The following AGBL4 variants were observed in gnomAD, a reference collection of about 807,000 sequenced individuals.
AGBL4 encodes cytosolic carboxypeptidase 6.
In AGBL4, 58 loss-of-function variants were observed where a neutral mutation model predicts 66.4. The ratio of observed to expected loss-of-function variants is 0.87; its 90% CI spans 0.71 to 1.09. The LOEUF (loss-of-function observed/expected upper bound fraction) is 1.09. Ranked by LOEUF, AGBL4 falls within the 50% of genes least tolerant of loss-of-function variation. The pLI is 0.00. For missense variants in AGBL4, 579 were observed against 631.0 expected, an observed-to-expected ratio of 0.92 and a Z score of 0.88; for synonymous variants, 234 against 222.9, an observed-to-expected ratio of 1.05 and a Z score of -0.44.
At chr1:49,479,365 G>C (rs1646908521) in intron 3 of AGBL4, among the ~76,000 whole-genome samples, 1 of 151,852 alleles carries the variant, frequency 6.6e-6, no homozygotes, top group Admixed American at 6.6e-5. Flanking sequence ...AGGTAAACCT[G>C]TGTTGGGGGG....
intron 6 of AGBL4, among the ~76,000 whole-genome samples, chr1:48,859,061 A>G (rs1647275883): frequency 6.6e-6 from 1 of 152,088 alleles, no homozygotes; most frequent in African/African-American, 2.4e-5. Context: ...AAGGATATTT[A>G]GGCAGAAGTG....
At chr1:48,658,234 C>T (rs1646050875) in intron 7 of AGBL4, among the ~76,000 whole-genome samples, 1 of 152,200 alleles carries the variant, frequency 6.6e-6, no homozygotes, top group South Asian at 2.1e-4. Context: ...ACAAGATGCA[C>T]AGAGCAAGGA....
intron 4 of AGBL4, among the ~76,000 whole-genome samples, chr1:49,220,778 G>C (rs1312614056): frequency 6.6e-6 from 1 of 152,068 alleles, no homozygotes; most frequent in Non-Finnish European, 1.5e-5. Context: ...GTGAACTCAG[G>C]AAAACCCCTA....
At chr1:48,982,812 C>T (rs1022091320) in intron 5 of AGBL4, among the ~76,000 whole-genome samples, 1 of 151,920 alleles carries the variant, frequency 6.6e-6, no homozygotes, top group Non-Finnish European at 1.5e-5. Flanking sequence ...GTTTACAGTC[C>T]CACCAAGAGT....
At chr1:49,193,647 C>T (rs1299091962) in intron 4 of AGBL4, among the ~76,000 whole-genome samples, 4 of 151,876 alleles carry the variant, frequency 2.6e-5, no homozygotes, top group East Asian at 1.9e-4. Context: ...CTTGCCTCAG[C>T]GTCCAGAGTA....
intron 3 of AGBL4, among the ~76,000 whole-genome samples, chr1:49,664,009 C>T (rs1377242090): frequency 6.6e-6 from 1 of 152,024 alleles, no homozygotes. Context: ...ATCATTCAAA[C>T]AAGAGTAGTA....
At chr1:49,003,790 T>A (rs944559523) in intron 5 of AGBL4, among the ~76,000 whole-genome samples, 1 of 152,196 alleles carries the variant, frequency 6.6e-6, no homozygotes, top group African/African-American at 2.4e-5. Flanking sequence ...ACTAGTTCTG[T>A]TGAATTTTGT....
intron 1 of AGBL4, among the ~76,000 whole-genome samples, chr1:49,925,361 C>T (rs1389734297): frequency 6.6e-6 from 1 of 152,056 alleles, no homozygotes; most frequent in African/African-American, 2.4e-5. Flanking sequence ...ACTGAAGAGC[C>T]GTTGAGCCCT....
intron 3 of AGBL4, among the ~76,000 whole-genome samples, chr1:49,269,516 T>C (rs1644006812): frequency 1.3e-5 from 2 of 152,312 alleles, no homozygotes; most frequent in Middle Eastern, 3.4e-3. Context: ...ACTGAGAGTC[T>C]GACACTTTTA....
At chr1:49,776,020 CAT>C (rs1644187228) in intron 2 of AGBL4, among the ~76,000 whole-genome samples, 1 of 152,006 alleles carries the variant, frequency 6.6e-6, no homozygotes, top group Admixed American at 6.6e-5. Flanking sequence ...AGATAAGGTC[CAT>C]TCTCTGAAGG....
At chr1:48,760,550 A>G (rs1358175241) in intron 6 of AGBL4, among the ~76,000 whole-genome samples, 2 of 152,246 alleles carry the variant, frequency 1.3e-5, no homozygotes, top group Non-Finnish European at 2.9e-5. Context: ...CTGCGTCACT[A>G]TAATGTGAGA....
At chr1:49,870,853 G>A (rs1040131131) in intron 1 of AGBL4, among the ~76,000 whole-genome samples, 1 of 152,048 alleles carries the variant, frequency 6.6e-6, no homozygotes, top group African/African-American at 2.4e-5. Context: ...AGATGTTGAT[G>A]AGCATGTGGA....
intron 5 of AGBL4, among the ~76,000 whole-genome samples, chr1:48,884,932 G>C (rs1348750430): frequency 1.4e-5 from 2 of 145,646 alleles, no homozygotes. Flanking sequence ...GAAAGAGAGA[G>C]AGCAAGAATG....
intron 3 of AGBL4, among the ~76,000 whole-genome samples, chr1:49,618,238 T>C (rs1259591861): frequency 6.6e-6 from 1 of 152,214 alleles, no homozygotes; most frequent in Non-Finnish European, 1.5e-5. Context: ...CCACATTTTC[T>C]TTCTCCAGTC....
intron 3 of AGBL4, among the ~76,000 whole-genome samples, chr1:49,296,455 G>A (rs1570369849): frequency 6.6e-6 from 1 of 152,104 alleles, no homozygotes; most frequent in Non-Finnish European, 1.5e-5. Flanking sequence ...CATAGAAAAA[G>A]TTCCAAATAA....
intron 4 of AGBL4, among the ~76,000 whole-genome samples, chr1:49,093,955 T>C (rs1030427751): frequency 1.3e-5 from 2 of 152,128 alleles, no homozygotes; most frequent in African/African-American, 4.8e-5. Context: ...TTAACAGAAA[T>C]AGCAATGGGG....
chr1:48,913,468 T>C (rs1653320628), intron 5 of AGBL4, among the ~76,000 whole-genome samples: 1 of 152,136 alleles, frequency 6.6e-6, no homozygotes, highest in South Asian at 2.1e-4. Context: ...ATCACTCACA[T>C]TACCATCTGA....
At chr1:49,651,146 T>C (rs1269105349) in intron 3 of AGBL4, among the ~76,000 whole-genome samples, 1 of 152,190 alleles carries the variant, frequency 6.6e-6, no homozygotes, top group Non-Finnish European at 1.5e-5. Context: ...GAATCTCAGT[T>C]GCACTGTGGC....
At chr1:48,915,266 C>T (rs1653487762) in intron 5 of AGBL4, among the ~76,000 whole-genome samples, 1 of 152,178 alleles carries the variant, frequency 6.6e-6, no homozygotes, top group Admixed American at 6.5e-5. Flanking sequence ...TTTTGTACCA[C>T]TATGCCTTGG....
Sources: gnomAD v4.1 joint callset for allele counts (sites outside exome capture counted in the v4.1 genomes callset) on GRCh38, gnomAD v4.1.1 for gene constraint, MANE v1.5 for transcripts, NCBI Gene and HGNC (gene_info 2026-07-23, HGNC 2026-07-21) for gene names.